SEMA5A: variants seen among roughly 807,000 people sequenced by gnomAD.
SEMA5A encodes semaphorin 5A.
SEMA5A carries 55 observed loss-of-function variants against 135.5 expected under a neutral mutation model. The ratio of observed to expected loss-of-function variants is 0.41; its 90% confidence interval spans 0.33 to 0.51. The LOEUF is 0.51. SEMA5A is among the 20% of genes least tolerant of loss of function. The probability of loss-of-function intolerance (pLI) is 0.37; values close to 1 mark genes in which losing one functional copy is unlikely to be tolerated. For synonymous variants in SEMA5A, 580 were observed against 546.5 expected (o/e 1.06, Z -0.85); for missense variants, 1,290 against 1,419.9 (o/e 0.91, Z 1.47).
At chr5:9,346,642 T>A (rs1221050791) in intron 3 of SEMA5A, among the ~76,000 whole-genome samples, 1 of 152,074 alleles carries the variant, frequency 6.6e-6, no homozygotes, top group Non-Finnish European at 1.5e-5. Flanking sequence ...CAGCATGGGG[T>A]GGAACACGGA....
At position 9,066,911 on chromosome 5, in the gene SEMA5A, G is replaced by GA. The variant is rs1229071603; in HGVS notation, c.2074-266dup. Among the ~76,000 whole-genome samples, 5 of 152,038 alleles carry GA rather than the reference G, an allele frequency of 3.3e-5. No individual in the cohort carries two copies. In the South Asian group the frequency reaches 8.3e-4, roughly 25 times the overall value. On this transcript the variant is annotated intron_variant, in intron 16 of 22. Transcript: ENST00000382496. Reference sequence around the variant, plus strand: ...AGACAACAAACTTAATTGCTTGTGGGAAAAAAACCCACCGATCCCATAAAA... The same window carrying GA: ...AGACAACAAACTTAATTGCTTGTGGGAAAAAAAACCCACCGATCCCATAAAA...
chr5:9,236,147 A>G (rs1747895520), intron 6 of SEMA5A, among the ~76,000 whole-genome samples: 2 of 152,066 alleles, frequency 1.3e-5, no homozygotes, highest in Admixed American at 6.5e-5. Context: ...GGAATTATGG[A>G]AGCTATAATT....
intron 5 of SEMA5A, among the ~76,000 whole-genome samples, chr5:9,264,414 C>T (rs1266168419): frequency 6.6e-6 from 1 of 152,072 alleles, no homozygotes; most frequent in South Asian, 2.1e-4. Context: ...ATCTAGGCTC[C>T]AAGTAAATAA....
chr5:9,215,885 T>A (rs1196278467), intron 8 of SEMA5A, among the ~76,000 whole-genome samples: 1 of 151,998 alleles, frequency 6.6e-6, no homozygotes, highest in Non-Finnish European at 1.5e-5. Context: ...TATGTCTTGA[T>A]TTCCTTCAGT....
intron 17 of SEMA5A, among the ~76,000 whole-genome samples, chr5:9,064,157 G>A (rs1308549130): frequency 2.0e-5 from 3 of 152,142 alleles, no homozygotes; most frequent in Admixed American, 6.5e-5. Context: ...AGAATTGTCT[G>A]TCTGTGATAA....
intron 2 of SEMA5A, among the ~76,000 whole-genome samples, chr5:9,414,627 A>G (rs558167991): frequency 6.6e-6 from 1 of 152,330 alleles, no homozygotes; most frequent in South Asian, 2.1e-4. Context: ...CAAGAAACTC[A>G]CCCAAAACAT....
chr5:9,154,711 G>C lies in SEMA5A; in HGVS notation c.1274-16C>G, dbSNP rs375164033. 147 of 1,609,570 alleles carry C rather than the reference G, an allele frequency of 9.1e-5. No homozygotes were observed. The Middle Eastern group carries it at 2.1e-3, about 23-fold the overall frequency. On this transcript the variant is annotated splice_polypyrimidine_tract_variant and intron_variant, in intron 11 of 22. Coordinates refer to ENST00000382496, the MANE Select transcript of SEMA5A (RefSeq NM_003966.3). ...GTTCCGTAATCTATGAAGGTCACAGGATGAAAAGGAAACAAGGTCAGAGGG... is the reference window on the plus strand; with the variant it reads ...GTTCCGTAATCTATGAAGGTCACAGCATGAAAAGGAAACAAGGTCAGAGGG...
In SEMA5A at chr5:9,545,926, C is replaced by T. The variant is rs1738368635; in HGVS notation, c.-517G>A. The T allele has an allele frequency of 6.6e-6, 1 of 152,422 alleles. No homozygotes were observed. The highest frequency in any genetic ancestry group is 1.5e-5 in the Non-Finnish European group (1 of 68,272). 9.4% of individuals were successfully genotyped at this position (152,422 alleles called of 1,614,324 possible). On this transcript the variant is annotated 5_prime_UTR_variant, in exon 1 of 23. Transcript: ENST00000382496. This position sits in a 1 kb window ranked among gnomAD's most constrained non-coding sequence, Gnocchi z 4.5. ...GGATGAGCGACACTGGCCGGGCCGC[C>T]CCTGCACGGGGAAGGTGGAGGGCCG... is the stretch of plus-strand genomic sequence containing the variant.
intron 5 of SEMA5A, among the ~76,000 whole-genome samples, chr5:9,248,704 G>A (rs1206831649): frequency 6.6e-6 from 1 of 152,146 alleles, no homozygotes; most frequent in African/African-American, 2.4e-5. Flanking sequence ...GGAGCATACA[G>A]AGGAGAAGGA....
At chr5:9,471,273 G>A (rs916057544) in intron 1 of SEMA5A, among the ~76,000 whole-genome samples, 7 of 152,196 alleles carry the variant, frequency 4.6e-5, no homozygotes, top group Non-Finnish European at 8.8e-5. Context: ...TGATGTCTCA[G>A]TTCCTACAGG....
At chr5:9,255,321 A>T (rs867551361) in intron 5 of SEMA5A, among the ~76,000 whole-genome samples, 9 of 152,302 alleles carry the variant, frequency 5.9e-5, no homozygotes, top group African/African-American at 2.2e-4. Context: ...CATTTGTCAT[A>T]GCTGGTCAAC....
At chr5:9,298,999 A>T (rs1408092903) in intron 5 of SEMA5A, among the ~76,000 whole-genome samples, 1 of 152,200 alleles carries the variant, frequency 6.6e-6, no homozygotes, top group Middle Eastern at 3.2e-3. Flanking sequence ...CCATCCAGTT[A>T]GTCATTTGGA....
chr5:9,124,581 T>G (rs1741003884), intron 13 of SEMA5A, among the ~76,000 whole-genome samples: 1 of 152,088 alleles, frequency 6.6e-6, no homozygotes, highest in Non-Finnish European at 1.5e-5. Flanking sequence ...CTCAGCCTCC[T>G]GAGTAGCTGG....
intron 2 of SEMA5A, among the ~76,000 whole-genome samples, chr5:9,401,929 G>A (rs1756675954): frequency 6.6e-6 from 1 of 152,132 alleles, no homozygotes; most frequent in African/African-American, 2.4e-5. Context: ...GTTTGTACCA[G>A]TCGAATAAGG....
chr5:9,066,323 C>T lies in SEMA5A; in HGVS notation c.2299+98G>A. ...TTCAAGGCTGCTAAGCCATAAATAA[C>T]CAAAAAGGAAAATGCCCCCTTGCTG... On this transcript the variant is annotated intron_variant, in intron 17 of 22. Coordinates refer to ENST00000382496, the MANE Select transcript of SEMA5A (RefSeq NM_003966.3). The T allele has an allele frequency of 3.4e-6, 4 of 1,163,272 alleles. No individual in the cohort carries two copies. In the South Asian group the frequency reaches 5.2e-5, roughly 15 times the overall value. 72.1% of individuals were successfully genotyped at this position (1,163,272 alleles called of 1,614,324 possible). A position where few individuals can be genotyped will look rare whatever the true frequency, so the allele number is the denominator to read the frequency against.
intron 21 of SEMA5A, 139 bp downstream of exon 21, chr5:9,050,271 A>G: frequency 1.4e-6 from 1 of 724,526 alleles, no homozygotes; most frequent in Non-Finnish European, 2.2e-6. Context: ...ATGCCAAGGT[A>G]GAATGCCTGG....
intron 1 of SEMA5A, among the ~76,000 whole-genome samples, chr5:9,504,840 G>A (rs1279863744): frequency 6.6e-6 from 1 of 152,244 alleles, no homozygotes; most frequent in African/African-American, 2.4e-5. Context: ...TCCAATCAAT[G>A]GCAAGGGCCA....
chr5:9,352,221 G>T (rs1487957241), intron 3 of SEMA5A, among the ~76,000 whole-genome samples: 2 of 151,984 alleles, frequency 1.3e-5, no homozygotes, highest in African/African-American at 4.8e-5. Flanking sequence ...AGTCCTACAT[G>T]TCATCTGTAT....
intron 5 of SEMA5A, among the ~76,000 whole-genome samples, chr5:9,304,265 A>C (rs1413501445): frequency 6.6e-6 from 1 of 152,038 alleles, no homozygotes; most frequent in Non-Finnish European, 1.5e-5. Context: ...CTCTTTGTTA[A>C]ACTTGTGATT....
Sources: allele counts gnomAD v4.1 joint callset (sites outside exome capture counted in the v4.1 genomes callset), GRCh38; gene constraint gnomAD v4.1.1; non-coding constraint Gnocchi (gnomAD v3.1); transcripts MANE v1.5; gene names NCBI Gene and HGNC (gene_info 2026-07-23, HGNC 2026-07-21).